Variants in ACOX3 observed in about 807,000 individuals in gnomAD.
The protein encoded by ACOX3 is acyl-CoA oxidase 3, pristanoyl.
Under a neutral mutation model 81.5 loss-of-function variants are expected in ACOX3, and 73 were observed. That is an observed-to-expected ratio of 0.90 (90% CI 0.74 to 1.09). ACOX3 has a LOEUF of 1.09. Ranked by LOEUF, ACOX3 falls within the 50% of genes least tolerant of loss-of-function variation. The pLI, the probability that ACOX3 is intolerant of heterozygous loss-of-function variation, is 0.00. For synonymous variants in ACOX3, 387 were observed against 375.1 expected (o/e 1.03, Z -0.37); for missense variants, 947 against 928.0 (o/e 1.02, Z -0.27).
downstream of ACOX3, among the ~76,000 whole-genome samples, chr4:8,362,288 G>A (rs1054348723): frequency 5.9e-5 from 9 of 152,186 alleles, no homozygotes; most frequent in African/African-American, 1.9e-4. Context: ...CTGAAGTAAT[G>A]TTTTTAACTT....
chr4:8,409,511 T>A (rs1439058574), intron 6 of ACOX3, among the ~76,000 whole-genome samples: 1 of 150,946 alleles, frequency 6.6e-6, no homozygotes, highest in African/African-American at 2.4e-5. Flanking sequence ...TGGAGCTGTC[T>A]GTGCACTGCG....
intron 14 of ACOX3, among the ~76,000 whole-genome samples, chr4:8,376,183 TTC>T (rs1716940161): frequency 2.6e-5 from 4 of 152,342 alleles, no homozygotes; most frequent in Admixed American, 1.3e-4. Flanking sequence ...TCTGTTATTT[TTC>T]TTTTTTAATG....
In ACOX3 at chr4:8,389,638, A is replaced by G. The variant is rs1231291838; in HGVS notation, c.1397T>C (p.Leu466Pro). ...GTGGACCTGGTGTGCCAGGAGACCC[A>G]GCAAATAGTTGCTTGTCTGCTGCAG... ...ILLQQTSNYL[L>P]GLLAHQVHDG... Residue 466 changes from leucine (L) to proline (P), a missense_variant, in exon 12 of 18, where the codon CTG becomes CCG. Transcript: ENST00000356406. This position sits in a 1 kb window ranked among gnomAD's most constrained non-coding sequence, Gnocchi z 5.3. 6.2e-7 allele frequency: 1 copy of G among 1,614,082 alleles called. No individual in the cohort carries two copies. The highest frequency in any genetic ancestry group is 1.1e-5 in the South Asian group (1 of 91,080).
chr4:8,411,588 C>T (rs867148392), intron 5 of ACOX3, among the ~76,000 whole-genome samples: 1 of 152,218 alleles, frequency 6.6e-6, no homozygotes, highest in African/African-American at 2.4e-5. Flanking sequence ...ACTCATTCTC[C>T]GCAGTGCAGG....
Position 8,381,632 on chromosome 4 carries a change from A to T in ACOX3, c.1538-25T>A. ...ACTTCGGAATGACAAACAGAAGGAG[A>T]AAAAGTAACAATAGAGAACACAGCA... On this transcript the variant is annotated intron_variant, in intron 13 of 17. Transcript: ENST00000356406. The surrounding 1 kb of genome is among the most constrained non-coding windows in gnomAD (Gnocchi z 4.3). 3 of 1,544,870 alleles carry T rather than the reference A, an allele frequency of 1.9e-6. No homozygotes were observed. The highest frequency in any genetic ancestry group is 2.7e-6 in the Non-Finnish European group (3 of 1,119,182).
intron 16 of ACOX3, among the ~76,000 whole-genome samples, chr4:8,372,643 G>A (rs1199289565): frequency 6.6e-6 from 1 of 152,168 alleles, no homozygotes; most frequent in Admixed American, 6.5e-5. Flanking sequence ...GGAACCGCAG[G>A]CTCAGGGAAG....
chr4:8,371,167 T>C (rs1716145188), intron 16 of ACOX3, among the ~76,000 whole-genome samples, 173 bp from the exon 17 acceptor site: 1 of 152,184 alleles, frequency 6.6e-6, no homozygotes, highest in African/African-American at 2.4e-5. Context: ...TTCGAGGCCC[T>C]TGCTGTGCAC....
intron 1 of ACOX3, among the ~76,000 whole-genome samples, chr4:8,433,531 C>A (rs1724067389): frequency 6.6e-6 from 1 of 152,172 alleles, no homozygotes; most frequent in Non-Finnish European, 1.5e-5. Flanking sequence ...GTTATGGAAG[C>A]CCTGGAAAAC....
At chr4:8,392,633 T>C (rs1173240251) in intron 10 of ACOX3, among the ~76,000 whole-genome samples, 180 bp from the exon 11 acceptor site, 3 of 152,234 alleles carry the variant, frequency 2.0e-5, no homozygotes, top group African/African-American at 7.2e-5. Flanking sequence ...TATCCAAGTA[T>C]GGATACACTG....
At chr4:8,356,664 C>G in the ACOX3 span, 3 of 454,992 alleles carry the variant, frequency 6.6e-6, no homozygotes, top group Non-Finnish European at 1.3e-5. Context: ...GGAACACTAA[C>G]CTGTTCCTGG....
At chr4:8,429,391 G>C (rs565450519) in intron 1 of ACOX3, among the ~76,000 whole-genome samples, 2 of 152,326 alleles carry the variant, frequency 1.3e-5, no homozygotes, top group African/African-American at 4.8e-5. Flanking sequence ...AAAGTTAAAA[G>C]GATAAATGGT....
rs137893201 is a variant in ACOX3, at chr4:8,384,398, C to T, written c.1538-2791G>A. Among the ~76,000 whole-genome samples, 1,013 of 152,278 alleles carry T rather than the reference C, an allele frequency of 6.7e-3. 13 individuals carry two copies. Among genetic ancestry groups the T allele is most frequent in the African/African-American group, 0.023 (966 of 41,560 alleles). Reference sequence around the variant, plus strand: ...AGTTAATGTGGAAGTGAAAAAGTATCGCTGAAACAAACTAGGCAGGAAAAC... The same window carrying T: ...AGTTAATGTGGAAGTGAAAAAGTATTGCTGAAACAAACTAGGCAGGAAAAC... On this transcript the variant is annotated intron_variant, in intron 13 of 17. Transcript: ENST00000356406. This position sits in a 1 kb window ranked among gnomAD's most constrained non-coding sequence, Gnocchi z 5.3.
Position 8,394,823 on chromosome 4 carries a change from G to A in ACOX3, c.1057-81C>T, listed in dbSNP as rs1719499807. 2 of 1,526,588 alleles carry A rather than the reference G, an allele frequency of 1.3e-6. No individual in the cohort carries two copies. Among genetic ancestry groups the A allele is most frequent in the South Asian group, 1.2e-5 (1 of 81,008 alleles). 94.6% of individuals were successfully genotyped at this position (1,526,588 alleles called of 1,614,324 possible). A position where few individuals can be genotyped will look rare whatever the true frequency, so the allele number is the denominator to read the frequency against. On this transcript the variant is annotated intron_variant, in intron 9 of 17. Transcript: ENST00000356406. The surrounding 1 kb of genome is among the most constrained non-coding windows in gnomAD (Gnocchi z 5.9). ...CATCCCAGGGACCATGAAAGCCAGT[G>A]CAGGGAGAGGCCGTCAGGGCCACAC...
At chr4:8,408,432 C>A (rs1477602201) in intron 6 of ACOX3, among the ~76,000 whole-genome samples, 1 of 152,106 alleles carries the variant, frequency 6.6e-6, no homozygotes, top group Non-Finnish European at 1.5e-5. Context: ...GACTCAGGTG[C>A]CCTGAGCACT....
Position 8,419,877 on chromosome 4 carries a change from T to A in ACOX3, c.-14-3342A>T, listed in dbSNP as rs1489694900. Among the ~76,000 whole-genome samples, 1 of 152,188 alleles carries A rather than the reference T, an allele frequency of 6.6e-6. No homozygotes were observed. The highest frequency in any genetic ancestry group is 1.5e-5 in the Non-Finnish European group (1 of 68,034). On this transcript the variant is annotated intron_variant, in intron 1 of 17. Transcript: ENST00000356406. This position sits in a 1 kb window ranked among gnomAD's most constrained non-coding sequence, Gnocchi z 4.2. Reference sequence around the variant, plus strand: ...GGAATTACAAACCCCAGTGTCATGTTGGAATTCCCCTCTCCATGCGCCATA... The same window carrying A: ...GGAATTACAAACCCCAGTGTCATGTAGGAATTCCCCTCTCCATGCGCCATA...
chr4:8,371,101 A>G (rs985277935), intron 16 of ACOX3, 107 bp from the exon 17 acceptor site: 1 of 985,112 alleles, frequency 1.0e-6, no homozygotes, highest in Non-Finnish European at 1.6e-6. Flanking sequence ...GCAACGGGTC[A>G]CCTGAGCGGC....
chr4:8,440,173 C>CT (rs1354847913), intron 1 of ACOX3, among the ~76,000 whole-genome samples: 1 of 151,936 alleles, frequency 6.6e-6, no homozygotes, highest in Non-Finnish European at 1.5e-5. Context: ...TCACGTGGAC[C>CT]CTTAAAGTCG....
intron 1 of ACOX3, among the ~76,000 whole-genome samples, chr4:8,434,024 A>G (rs573053617): frequency 2.0e-5 from 3 of 150,622 alleles, no homozygotes; most frequent in African/African-American, 7.3e-5. Context: ...CAACCTTGGC[A>G]CCACCACGTG....
chr4:8,355,562 C>T, the ACOX3 span: 2 of 152,216 alleles, frequency 1.3e-5, no homozygotes, highest in African/African-American at 4.8e-5. Flanking sequence ...CAATTAAACA[C>T]TGAAACGTAC....
Sources: gnomAD v4.1 joint callset for allele counts (sites outside exome capture counted in the v4.1 genomes callset) on GRCh38, gnomAD v4.1.1 for gene constraint, Gnocchi (gnomAD v3.1) non-coding constraint, MANE v1.5 for transcripts, NCBI Gene and HGNC (gene_info 2026-07-23, HGNC 2026-07-21) for gene names.